RBM46: variants seen among roughly 807,000 people sequenced by gnomAD.
The protein encoded by RBM46 is RNA binding motif protein 46.
A neutral mutation model predicts 43.3 loss-of-function variants in RBM46; 12 were observed. The ratio of observed to expected loss-of-function variants is 0.28; its 90% confidence interval spans 0.18 to 0.45. RBM46 has a LOEUF of 0.45. Ranked by LOEUF, RBM46 falls within the 20% of genes least tolerant of loss-of-function variation. The probability of loss-of-function intolerance (pLI) is 1.00; values close to 1 mark genes in which losing one functional copy is unlikely to be tolerated. For synonymous variants in RBM46, 205 were observed against 207.6 expected (o/e 0.99, Z 0.11); for missense variants, 412 against 639.1 (o/e 0.64, Z 3.83).
chr4:154,807,015 A>C (rs375818606), intron 4 of RBM46, among the ~76,000 whole-genome samples: 1 of 151,562 alleles, frequency 6.6e-6, no homozygotes, highest in Non-Finnish European at 1.5e-5. Context: ...GTCCTAAAAT[A>C]CTCCTTCTAA....
intron 4 of RBM46, chr4:154,826,913 C>A: frequency 7.3e-7 from 1 of 1,366,754 alleles, no homozygotes; most frequent in Non-Finnish European, 9.4e-7. Flanking sequence ...TAGAAAAAAA[C>A]CTTACCTGTA....
chr4:154,827,614 G>T (rs1200134120), intron 4 of RBM46: 3 of 1,236,152 alleles, frequency 2.4e-6, no homozygotes, highest in Non-Finnish European at 3.0e-6. Flanking sequence ...AGAAATAGTA[G>T]ATATCCAAGA....
intron 4 of RBM46, among the ~76,000 whole-genome samples, chr4:154,811,480 C>T (rs556425926): frequency 2.4e-4 from 37 of 151,962 alleles, no homozygotes; most frequent in African/African-American, 8.2e-4. Context: ...ATACTAAGTA[C>T]CATGTAAATA....
chr4:154,795,483 A>G (rs1204480013), intron 1 of RBM46, among the ~76,000 whole-genome samples: 2 of 152,112 alleles, frequency 1.3e-5, no homozygotes, highest in Admixed American at 6.5e-5. Context: ...AAAAAAATCT[A>G]TTAATGTATT....
chr4:154,798,958 C>T lies in RBM46; in HGVS notation c.796C>T (p.Arg266Trp), dbSNP rs1333941326. The T allele has an allele frequency of 1.2e-6, 2 of 1,613,482 alleles. No homozygotes were observed. Among genetic ancestry groups the T allele is most frequent in the Non-Finnish European group, 8.5e-7 (1 of 1,179,784 alleles). ...FNKFKPGAVE[R>W]VKKLRDYAFV... is the part of the protein sequence containing the mutation. ...TAAATTTAAGCCTGGTGCAGTTGAA[C>T]GGGTAAAGAAACTTAGAGATTATGC... The change falls in exon 4 of 5, where the codon CGG becomes TGG. Residue 266 changes from arginine to tryptophan, a missense_variant. Arg to Trp is a moderately radical substitution (Grantham distance 101). Coordinates refer to ENST00000281722, the MANE Select transcript of RBM46 (RefSeq NM_144979.5).
At chr4:154,825,817 C>T (rs1735931721) in intron 4 of RBM46, among the ~76,000 whole-genome samples, 1 of 152,160 alleles carries the variant, frequency 6.6e-6, no homozygotes, top group Admixed American at 6.6e-5. Flanking sequence ...CCTGAAGATA[C>T]CTTCAGTATC....
At chr4:154,811,991 A>AGG (rs922963703) in intron 4 of RBM46, among the ~76,000 whole-genome samples, 1 of 150,992 alleles carries the variant, frequency 6.6e-6, no homozygotes, top group Non-Finnish European at 1.5e-5. Flanking sequence ...TGTTGTAGAT[A>AGG]GGATTTTAAT....
In RBM46 at chr4:154,798,778, AC is replaced by A; in HGVS notation, c.620-3del. 1 of 1,426,494 alleles carries A rather than the reference AC, an allele frequency of 7.0e-7. No homozygotes were observed. Among genetic ancestry groups the A allele is most frequent in the Non-Finnish European group, 9.2e-7 (1 of 1,086,502 alleles). 88.4% of individuals were successfully genotyped at this position (1,426,494 alleles called of 1,614,324 possible). A position where few individuals can be genotyped will look rare whatever the true frequency, so the allele number is the denominator to read the frequency against. On this transcript the variant is annotated splice_polypyrimidine_tract_variant and splice_region_variant and intron_variant, in intron 3 of 4. Transcript: ENST00000281722. ...CTCTTCAAATTATTATTTTTTTTTT[AC>A]AGGAACATTCCAACTATGGGGCCAC... is the stretch of plus-strand genomic sequence containing the variant.
chr4:154,820,349 T>C, intron 4 of RBM46: 1 of 1,505,990 alleles, frequency 6.6e-7, no homozygotes, highest in Admixed American at 2.1e-5. Context: ...ATTTTCTGTC[T>C]TCACTGCTTA....
intron 2 of RBM46, among the ~76,000 whole-genome samples, chr4:154,797,474 C>A (rs2111129367): frequency 6.6e-6 from 1 of 152,270 alleles, no homozygotes; most frequent in Admixed American, 6.5e-5. Flanking sequence ...AAAGCGCTTG[C>A]TTTTTCTTCT....
chr4:154,820,683 G>A (rs13121136), intron 4 of RBM46, among the ~76,000 whole-genome samples: 9,151 of 151,508 alleles, frequency 0.06, 376 homozygotes, highest in Non-Finnish European at 0.092. Context: ...TTATAAATTC[G>A]ATATATTTGG....
At position 154,796,805 on chromosome 4, in the gene RBM46, G is replaced by A. The variant is rs757685873; in HGVS notation, c.53G>A (p.Gly18Asp). The change falls in exon 2 of 5, where the codon GGT becomes GAT. Residue 18 changes from glycine (G) to aspartate (D), a missense_variant. Transcript: ENST00000281722. Reference sequence around the variant, plus strand: ...AATGGATGCAGTAAAGTTCGAACTGGTATTCAGAATGAAGCAGCATTACTT... The same window carrying A: ...AATGGATGCAGTAAAGTTCGAACTGATATTCAGAATGAAGCAGCATTACTT... The part of the protein sequence containing the change: ...GTNGCSKVRT[G>D]IQNEAALLAL... 6.2e-7 allele frequency: 1 copy of A among 1,613,516 alleles called. No individual in the cohort carries two copies. Among genetic ancestry groups the A allele is most frequent in the South Asian group, 1.1e-5 (1 of 91,004 alleles).
At chr4:154,782,407 C>T (rs1185438870) in intron 1 of RBM46, among the ~76,000 whole-genome samples, 3 of 152,148 alleles carry the variant, frequency 2.0e-5, no homozygotes. Context: ...ATAAATTCCC[C>T]GTAACCTTTA....
chr4:154,817,310 A>G (rs2111197826), intron 4 of RBM46, among the ~76,000 whole-genome samples: 1 of 147,710 alleles, frequency 6.8e-6, no homozygotes, highest in East Asian at 2.0e-4. Flanking sequence ...GCTGCATCCC[A>G]TACATTTGGT....
chr4:154,787,109 G>C (rs1423295241), intron 1 of RBM46: 1 of 152,090 alleles, frequency 6.6e-6, no homozygotes, highest in Admixed American at 6.5e-5. Flanking sequence ...TTTTCAATAA[G>C]TGAGTTTCTA....
rs1391972766 is a variant in RBM46, at chr4:154,817,476, G to T, written c.1403-10392G>T. Among the ~76,000 whole-genome samples, 3 of 151,596 alleles carry T rather than the reference G, an allele frequency of 2.0e-5. No homozygotes were observed. In the South Asian group the frequency reaches 6.3e-4, roughly 32 times the overall value. On this transcript the variant is annotated intron_variant, in intron 4 of 4. Coordinates refer to ENST00000281722, the MANE Select transcript of RBM46 (RefSeq NM_144979.5). ...GCCTCCCGAGTAGCTGGGATTACAGGTGCGCACACCACACCCAGCTGATTT... is the reference window on the plus strand; with the variant it reads ...GCCTCCCGAGTAGCTGGGATTACAGTTGCGCACACCACACCCAGCTGATTT...
chr4:154,808,222 G>T (rs943703031), intron 4 of RBM46, among the ~76,000 whole-genome samples: 2 of 151,860 alleles, frequency 1.3e-5, no homozygotes, highest in South Asian at 2.1e-4. Flanking sequence ...TCAAGGGATT[G>T]GCACTTATTT....
At chr4:154,789,991 G>A (rs1733995642) in intron 1 of RBM46, among the ~76,000 whole-genome samples, 1 of 152,168 alleles carries the variant, frequency 6.6e-6, no homozygotes, top group African/African-American at 2.4e-5. Flanking sequence ...TCTGATGGTA[G>A]TTTGTATTTC....
intron 3 of RBM46, 44 bp from the exon 4 acceptor site, chr4:154,798,738 T>C (rs1353878147): frequency 7.5e-7 from 1 of 1,330,202 alleles, no homozygotes; most frequent in Non-Finnish European, 9.9e-7. Flanking sequence ...TTACCTTTTA[T>C]TCTTTATTTT....
Sources: allele counts gnomAD v4.1 joint callset (sites outside exome capture counted in the v4.1 genomes callset), GRCh38; gene constraint gnomAD v4.1.1; transcripts MANE v1.5; gene names NCBI Gene and HGNC (gene_info 2026-07-23, HGNC 2026-07-21).